Variants in KIF26B observed in about 807,000 individuals in gnomAD.
KIF26B encodes kinesin family member 26B, also known as kinesin-like protein KIF26B.
In KIF26B, 63 loss-of-function variants were observed where a neutral mutation model predicts 151.2. The ratio of observed to expected loss-of-function variants is 0.42; its 90% CI spans 0.34 to 0.51. The LOEUF (loss-of-function observed/expected upper bound fraction) is 0.51, where lower values mean the gene tolerates loss of function less well. Ranked by LOEUF, KIF26B falls within the 20% of genes least tolerant of loss-of-function variation. The probability of loss-of-function intolerance (pLI) is 0.07; values close to 1 mark genes in which losing one functional copy is unlikely to be tolerated. For synonymous variants in KIF26B, 1,357 were observed against 1,262.1 expected (o/e 1.08, Z -1.59); for missense variants, 2,813 against 2,913.6 (o/e 0.97, Z 0.79).
chr1:245,505,479 A>T (rs1558191695), intron 4 of KIF26B, among the ~76,000 whole-genome samples: 1 of 151,812 alleles, frequency 6.6e-6, no homozygotes, highest in Non-Finnish European at 1.5e-5. Context: ...TCTACTTCCC[A>T]GGTTCAGTGA....
chr1:245,181,018 C>G (rs527461886), intron 2 of KIF26B, among the ~76,000 whole-genome samples: 8 of 152,264 alleles, frequency 5.3e-5, no homozygotes, highest in Non-Finnish European at 1.2e-4. Flanking sequence ...GTGACAGACC[C>G]TGTCAGACAT....
intron 2 of KIF26B, among the ~76,000 whole-genome samples, chr1:245,233,995 C>T (rs916526134): frequency 2.0e-5 from 3 of 151,978 alleles, no homozygotes; most frequent in Non-Finnish European, 4.4e-5. Flanking sequence ...TCCAGCCTGG[C>T]CAACGTGGTA....
At chr1:245,545,284 T>C (rs759318135) in intron 5 of KIF26B, among the ~76,000 whole-genome samples, 11 of 152,164 alleles carry the variant, frequency 7.2e-5, no homozygotes, top group Non-Finnish European at 1.6e-4. Context: ...GTATTTTTAG[T>C]AGAGACGGGG....
chr1:245,612,647 A>G (rs1252241151), intron 9 of KIF26B, among the ~76,000 whole-genome samples: 2 of 152,222 alleles, frequency 1.3e-5, no homozygotes, highest in Non-Finnish European at 2.9e-5. Flanking sequence ...AAGAAAGACC[A>G]ACATTTATCC....
At chr1:245,493,328 C>A (rs772944018) in intron 4 of KIF26B, among the ~76,000 whole-genome samples, 41 of 152,194 alleles carry the variant, frequency 2.7e-4, no homozygotes, top group Non-Finnish European at 5.1e-4. Context: ...AACAATGGAC[C>A]AATCAGTTCA....
intron 4 of KIF26B, among the ~76,000 whole-genome samples, chr1:245,510,035 A>G (rs1356763607): frequency 6.6e-6 from 1 of 152,106 alleles, no homozygotes; most frequent in African/African-American, 2.4e-5. Flanking sequence ...TGCCATGAAC[A>G]GTGGAGTGGG....
chr1:245,650,504 A>G (rs2103189266), intron 10 of KIF26B, among the ~76,000 whole-genome samples: 1 of 152,372 alleles, frequency 6.6e-6, no homozygotes, highest in Middle Eastern at 3.4e-3. Context: ...TTCGAGACTC[A>G]GATTCTCACC....
chr1:245,419,493 C>G (rs1658417329), intron 3 of KIF26B, 86 bp from the exon 4 acceptor site: 2 of 1,316,250 alleles, frequency 1.5e-6, no homozygotes, highest in Admixed American at 2.3e-5. Context: ...CTCTTGCCTC[C>G]CTCCCCCAAA....
At chr1:245,260,602 C>T (rs1373119477) in intron 2 of KIF26B, among the ~76,000 whole-genome samples, 1 of 152,204 alleles carries the variant, frequency 6.6e-6, no homozygotes, top group Non-Finnish European at 1.5e-5. Context: ...TACCGGTTTG[C>T]GGTCAGTGCT....
intron 4 of KIF26B, among the ~76,000 whole-genome samples, chr1:245,502,460 G>A (rs1370938932): frequency 1.3e-5 from 2 of 151,708 alleles, no homozygotes; most frequent in Non-Finnish European, 2.9e-5. Context: ...CCAGGAGGGG[G>A]AGGTTGCAGT....
At chr1:245,328,786 G>C (rs1672044383) in intron 2 of KIF26B, among the ~76,000 whole-genome samples, 1 of 152,208 alleles carries the variant, frequency 6.6e-6, no homozygotes. Flanking sequence ...CACAGGGTTT[G>C]AGACAGGTCC....
intron 10 of KIF26B, among the ~76,000 whole-genome samples, chr1:245,671,426 C>A (rs1320167219): frequency 6.6e-6 from 1 of 152,146 alleles, no homozygotes; most frequent in African/African-American, 2.4e-5. Context: ...GTACCTGGCA[C>A]AGGCAAATTC....
At chr1:245,250,721 T>C (rs1461470729) in intron 2 of KIF26B, among the ~76,000 whole-genome samples, 4 of 152,248 alleles carry the variant, frequency 2.6e-5, no homozygotes, top group Admixed American at 2.6e-4. Context: ...GAGTTTTCTC[T>C]TTTAAGAATT....
In KIF26B at chr1:245,404,224, T is replaced by TA. The variant is rs1553271381; in HGVS notation, c.1000-15354dup. 6.8e-3 allele frequency among the ~76,000 whole-genome samples: 1,027 copies of TA among 150,250 alleles called. 17 individuals are homozygous for TA. Among genetic ancestry groups the TA allele is most frequent in the African/African-American group, 0.024 (974 of 40,436 alleles). On this transcript the variant is annotated intron_variant, in intron 3 of 14. Coordinates refer to ENST00000407071, the MANE Select transcript of KIF26B (RefSeq NM_018012.4). ...AACAAGACTGATTTTTTTTTTTTTT[T>TA]ATAAAGCGTAGAGTCTTTTAACTCA...
intron 10 of KIF26B, among the ~76,000 whole-genome samples, chr1:245,652,143 T>TGA (rs1354553474): frequency 1.2e-3 from 132 of 111,270 alleles, no homozygotes; most frequent in African/African-American, 3.1e-3. Context: ...TGTGTGTGTG[T>TGA]GTGAGAGAGA....
intron 9 of KIF26B, among the ~76,000 whole-genome samples, chr1:245,640,122 G>GCGCTCTCTCTCT (rs1553299290): frequency 9.3e-5 from 5 of 53,984 alleles, no homozygotes; most frequent in African/African-American, 3.8e-4. Flanking sequence ...ACTAATATTT[G>GCGCTCTCTCTCT]CTCTCTCTCT....
intron 4 of KIF26B, among the ~76,000 whole-genome samples, chr1:245,431,171 C>T (rs927685750): frequency 6.6e-6 from 1 of 152,102 alleles, no homozygotes; most frequent in African/African-American, 2.4e-5. Flanking sequence ...TAGGGGGAAG[C>T]TTTTGGAACA....
rs116400387 is a variant in KIF26B at position 245,422,420 on chromosome 1, C to T, written c.1166+2675C>T. Among the ~76,000 whole-genome samples the T allele has an allele frequency of 2.0e-3, 309 of 152,196 alleles. 2 individuals are homozygous for T. Among genetic ancestry groups the T allele is most frequent in the African/African-American group, 6.8e-3 (283 of 41,526 alleles). On this transcript the variant is annotated intron_variant, in intron 4 of 14. Coordinates refer to ENST00000407071, the MANE Select transcript of KIF26B (RefSeq NM_018012.4). Reference sequence around the variant, plus strand: ...ATAACCCCCCTGTCACTGAGGGGCACCCAAAGCAGAAGTGTGACTGACTGG... The same window carrying T: ...ATAACCCCCCTGTCACTGAGGGGCATCCAAAGCAGAAGTGTGACTGACTGG...
intron 2 of KIF26B, among the ~76,000 whole-genome samples, chr1:245,273,334 C>G (rs111547067): frequency 3.7e-4 from 56 of 151,120 alleles, no homozygotes; most frequent in Middle Eastern, 7.0e-3. Flanking sequence ...CAGAGAATCG[C>G]TTGAACCCAG....
Sources: gnomAD v4.1 joint callset for allele counts (sites outside exome capture counted in the v4.1 genomes callset) on GRCh38, gnomAD v4.1.1 for gene constraint, MANE v1.5 for transcripts, NCBI Gene and HGNC (gene_info 2026-07-23, HGNC 2026-07-21) for gene names.